The following RTTN variants were observed in gnomAD, a reference collection of about 807,000 sequenced individuals.
RTTN encodes rotatin.
RTTN carries 182 observed loss-of-function variants against 269.2 expected under a neutral mutation model. That is an observed-to-expected ratio of 0.68 (90% CI 0.60 to 0.76). RTTN has a LOEUF of 0.76. Ranked by LOEUF, RTTN falls within the 30% of genes least tolerant of loss-of-function variation. The probability of loss-of-function intolerance (pLI) is 0.00; values close to 1 mark genes in which losing one functional copy is unlikely to be tolerated. For synonymous variants in RTTN, 1,006 were observed against 963.5 expected (o/e 1.04, Z -0.82); for missense variants, 2,545 against 2,608.6 (o/e 0.98, Z 0.53).
intron 16 of RTTN, 114 bp from the exon 17 acceptor site, chr18:70,149,151 G>C: frequency 1.2e-6 from 1 of 844,394 alleles, no homozygotes; most frequent in Non-Finnish European, 1.8e-6. Context: ...TTTGGATTCA[G>C]TTGAATAAAA....
chr18:70,093,295 T>C (rs1250414351), intron 28 of RTTN, among the ~76,000 whole-genome samples: 3 of 151,724 alleles, frequency 2.0e-5, no homozygotes, highest in Non-Finnish European at 2.9e-5. Context: ...GCCCTCCTAG[T>C]ACACAGTTGT....
At chr18:70,204,327 C>G in intron 2 of RTTN, 64 bp from the exon 3 acceptor site, 1 of 1,431,608 alleles carries the variant, frequency 7.0e-7, no homozygotes, top group Non-Finnish European at 9.5e-7. Flanking sequence ...TTACAGCAAT[C>G]AAAACATAAA....
rs34749812 is a variant in RTTN at position 70,020,777 on chromosome 18, A to G, written c.5991T>C (p.Pro1997=). The G allele has an allele frequency of 7.8e-4, 1,253 of 1,613,916 alleles. 9 individuals carry two copies. The African/African-American group carries it at 0.014, about 19-fold the overall frequency. Reference sequence around the variant, plus strand: ...CGGCTCCTCTATGTGTAGCTTGAACAGGGTGTTGTCCACAACTTGACCAAC... The same window carrying G: ...CGGCTCCTCTATGTGTAGCTTGAACGGGGTGTTGTCCACAACTTGACCAAC... ...SLCWSSCGQH[P]VQATHRGAVS... Residue 1997 remains proline, a synonymous_variant, in exon 45 of 49, where the codon CCT becomes CCC. Coordinates refer to ENST00000640769, the MANE Select transcript of RTTN (RefSeq NM_173630.4).
intron 32 of RTTN, among the ~76,000 whole-genome samples, chr18:70,084,159 C>T (rs2058642242): frequency 6.6e-6 from 1 of 151,614 alleles, no homozygotes; most frequent in Non-Finnish European, 1.5e-5. Context: ...GAAACAAGAG[C>T]ACTAGCGGGC....
chr18:70,113,080 C>T (rs1281037715), intron 27 of RTTN, among the ~76,000 whole-genome samples: 3 of 151,936 alleles, frequency 2.0e-5, no homozygotes, highest in African/African-American at 7.3e-5. Context: ...GAGCAAATAA[C>T]GAAATGAAGG....
chr18:70,192,505 A>AC (rs2061695874), intron 8 of RTTN, among the ~76,000 whole-genome samples: 1 of 151,974 alleles, frequency 6.6e-6, no homozygotes, highest in African/African-American at 2.4e-5. Flanking sequence ...ACATAGTGAG[A>AC]CCCCATCTCT....
chr18:70,150,537 T>C, intron 15 of RTTN, 71 bp downstream of exon 15: 6 of 1,429,494 alleles, frequency 4.2e-6, no homozygotes, highest in Non-Finnish European at 4.9e-6. Context: ...CTAAACTATA[T>C]TAGAATATCA....
chr18:70,190,743 C>A, intron 8 of RTTN, 24 bp from the exon 9 acceptor site: 1 of 1,548,592 alleles, frequency 6.5e-7, no homozygotes, highest in Non-Finnish European at 8.9e-7. Flanking sequence ...AAATGATAAA[C>A]CTTGCATACA....
At chr18:70,184,704 T>TTTTTG (rs1491099521) in intron 10 of RTTN, among the ~76,000 whole-genome samples, 1 of 9,484 alleles carries the variant, frequency 1.1e-4, no homozygotes, top group African/African-American at 1.4e-4. Flanking sequence ...CCACAGCAGG[T>TTTTTG]TTTTTTTTTT....
At chr18:70,077,014 A>C (rs2058445848) in intron 32 of RTTN, among the ~76,000 whole-genome samples, 1 of 151,946 alleles carries the variant, frequency 6.6e-6, no homozygotes, top group South Asian at 2.1e-4. Context: ...GATTTGCAAT[A>C]AACTGCTTAA....
At chr18:70,027,316 T>C (rs528552436) in intron 43 of RTTN, among the ~76,000 whole-genome samples, 71 of 152,180 alleles carry the variant, frequency 4.7e-4, no homozygotes, top group Non-Finnish European at 8.5e-4. Flanking sequence ...GCCATACACC[T>C]GATAAAAGCT....
In RTTN at chr18:70,135,171, T is replaced by A. The variant is rs2060094665; in HGVS notation, c.2885+13A>T. The A allele has an allele frequency of 7.1e-7, 1 of 1,408,204 alleles. No homozygotes were observed. Among genetic ancestry groups the A allele is most frequent in the Non-Finnish European group, 9.7e-7 (1 of 1,033,646 alleles). The allele number at this position is 1,408,204 out of a possible 1,614,324, so 87.2% of individuals were successfully genotyped here. A position where few individuals can be genotyped will look rare whatever the true frequency, so the allele number is the denominator to read the frequency against. ...AGTTAAGAGTAAAAAACTTATAAAT[T>A]CTTATATCTCACCACATATCCATTC... On this transcript the variant is annotated intron_variant, in intron 22 of 48. Transcript: ENST00000640769.
rs199908033 is a variant in RTTN, at chr18:70,204,201, C to T, written c.282G>A (p.Arg94=). ...VGAVEFLSKL[R]SNVEPNLQAE... is the part of the protein sequence containing the mutation. ...CCTGCAGATTTGGCTCCACATTAGA[C>T]CGAAGCTTAGATAAGAACTCTACTG... is the stretch of plus-strand genomic sequence containing the variant. The change falls in exon 3 of 49, where the codon CGG becomes CGA. Residue 94 remains arginine (R), a synonymous_variant. Transcript: ENST00000640769. 17 of 1,614,114 alleles carry T rather than the reference C, an allele frequency of 1.1e-5. No individual in the cohort carries two copies. The South Asian group carries it at 1.8e-4, about 17-fold the overall frequency.
intron 28 of RTTN, among the ~76,000 whole-genome samples, chr18:70,094,081 G>A (rs561215755): frequency 4.3e-4 from 30 of 70,424 alleles, no homozygotes; most frequent in East Asian, 2.9e-3. Flanking sequence ...GTTTATTTGC[G>A]TAGAGGTGTT....
intron 27 of RTTN, among the ~76,000 whole-genome samples, chr18:70,112,716 T>C (rs1181738150): frequency 6.6e-6 from 1 of 152,084 alleles, no homozygotes; most frequent in Non-Finnish European, 1.5e-5. Flanking sequence ...ACAATAACAG[T>C]GGGAGATTTT....
At chr18:70,117,268 T>C (rs1249578734) in intron 26 of RTTN, among the ~76,000 whole-genome samples, 1 of 152,136 alleles carries the variant, frequency 6.6e-6, no homozygotes, top group Non-Finnish European at 1.5e-5. Flanking sequence ...CTTGGAAATG[T>C]TATTTTACTG....
chr18:70,111,560 G>C (rs527930489), intron 27 of RTTN, among the ~76,000 whole-genome samples: 3 of 152,256 alleles, frequency 2.0e-5, no homozygotes, highest in South Asian at 2.1e-4. Context: ...ATCAGTGATA[G>C]AAGATCAAAT....
intron 17 of RTTN, among the ~76,000 whole-genome samples, chr18:70,147,356 A>G (rs1215880541): frequency 6.6e-6 from 1 of 152,200 alleles, no homozygotes; most frequent in Non-Finnish European, 1.5e-5. Context: ...GTACAGTAAC[A>G]TGCTGTACAG....
chr18:70,020,601 G>C lies in RTTN; in HGVS notation c.6153+14C>G. ...AGTACCCTTTTAAGATATGTGGGGA[G>C]TTTAAGTGCGTACCTTCTGAATTAC... On this transcript the variant is annotated intron_variant, in intron 45 of 48. Transcript: ENST00000640769. 1.2e-6 allele frequency: 2 copies of C among 1,603,826 alleles called. No individual in the cohort carries two copies. The highest frequency in any genetic ancestry group is 1.7e-6 in the Non-Finnish European group (2 of 1,171,934).
Sources: gnomAD v4.1 joint callset for allele counts (sites outside exome capture counted in the v4.1 genomes callset) on GRCh38, gnomAD v4.1.1 for gene constraint, MANE v1.5 for transcripts, NCBI Gene and HGNC (gene_info 2026-07-23, HGNC 2026-07-21) for gene names.